Variants in ZNF208 observed in about 807,000 individuals in gnomAD.
The protein encoded by ZNF208 is zinc finger protein 208.
In ZNF208, 10 loss-of-function variants were observed where a neutral mutation model predicts 12.1. The ratio of observed to expected loss-of-function variants is 0.83; its 90% confidence interval spans 0.51 to 1.40. The LOEUF is 1.40. Ranked by LOEUF, ZNF208 falls within the 40% of genes most tolerant of loss-of-function variation. The pLI, the probability that ZNF208 is intolerant of heterozygous loss-of-function variation, is 0.00. For synonymous variants in ZNF208, 497 were observed against 488.4 expected (o/e 1.02, Z -0.23); for missense variants, 1,652 against 1,485.0 (o/e 1.11, Z -1.85).
At chr19:21,994,547 A>G (rs1418219562) in intron 1 of ZNF208, among the ~76,000 whole-genome samples, 1 of 152,074 alleles carries the variant, frequency 6.6e-6, no homozygotes, top group Non-Finnish European at 1.5e-5. Context: ...GGGTACTGTC[A>G]GTTCTTTTTT....
chr19:21,985,440 G>C (rs1599623423), intron 3 of ZNF208, among the ~76,000 whole-genome samples: 2 of 152,328 alleles, frequency 1.3e-5, no homozygotes, highest in Middle Eastern at 3.4e-3. Context: ...AGAGCTTTGA[G>C]ATCCAGGGAG....
rs548397854 is a variant in ZNF208 at position 21,972,558 on chromosome 19, T to C, written c.2476A>G (p.Ile826Val). 20 of 1,613,544 alleles carry C rather than the reference T, an allele frequency of 1.2e-5. 1 individual carries two copies. The Admixed American group carries it at 2.0e-4, about 16-fold the overall frequency. The change falls in exon 4 of 4, where the codon ATT (isoleucine) becomes GTT (valine). Residue 826 changes from isoleucine to valine, a missense_variant. Transcript: ENST00000397126. ...KVSTLTTHKA[I>V]HAGEKPYKCK... ...TTGTAGGGCTTTTCTCCAGCATGAA[T>C]TGCCTTATGTGTAGTAAGGGTTGAG...
intron 4 of ZNF208, among the ~76,000 whole-genome samples, chr19:21,949,362 T>A (rs1969858678): frequency 6.6e-6 from 1 of 152,170 alleles, no homozygotes; most frequent in South Asian, 2.1e-4. Context: ...TCTGTCAAAC[T>A]GCAGTACAGT....
At chr19:21,997,908 A>G (rs1970869093) in intron 1 of ZNF208, 1 of 152,122 alleles carries the variant, frequency 6.6e-6, no homozygotes, top group Admixed American at 6.5e-5. Flanking sequence ...TGCATTAGAG[A>G]GAAAAAACTG....
chr19:21,974,149 A>T lies in ZNF208; in HGVS notation c.885T>A (p.Ser295Arg), dbSNP rs750193108. The change falls in exon 4 of 4, where the codon AGT (serine) becomes AGA (arginine). Residue 295 changes from serine (S) to arginine (R), a missense_variant. Ser to Arg is a moderately radical substitution (Grantham distance 110). Around this residue, in one of 3 missense-constraint regions of ZNF208, gnomAD observed 410 missense variants for 378.2 expected, o/e 1.08. Coordinates refer to ENST00000397126, the MANE Select transcript of ZNF208 (RefSeq NM_007153.3). Reference protein sequence around the residue: ...NKCEECGKAFSKVSTLTTHKA... With the variant: ...NKCEECGKAFRKVSTLTTHKA... ...TATGTGTAGTAAGAGTCGAGACCTT[A>T]CTAAAGGCTTTGCCACATTCTTCAC... 1.2e-6 allele frequency: 2 copies of T among 1,611,982 alleles called. No individual in the cohort carries two copies. The highest frequency in any genetic ancestry group is 8.5e-7 in the Non-Finnish European group (1 of 1,179,122).
chr19:21,999,940 G>C (rs1424909530), intron 1 of ZNF208, among the ~76,000 whole-genome samples: 3 of 152,264 alleles, frequency 2.0e-5, no homozygotes, highest in Middle Eastern at 3.4e-3. Flanking sequence ...CTCTGGACAA[G>C]TTCTTGAACT....
intron 1 of ZNF208, among the ~76,000 whole-genome samples, chr19:21,990,079 T>C (rs1006863835): frequency 4.6e-5 from 7 of 152,118 alleles, no homozygotes; most frequent in Admixed American, 1.3e-4. Context: ...CAGAAGCTCT[T>C]TAGTTCAATT....
chr19:21,999,792 A>G (rs984318844), intron 1 of ZNF208, among the ~76,000 whole-genome samples: 4 of 152,246 alleles, frequency 2.6e-5, no homozygotes, highest in African/African-American at 9.6e-5. Flanking sequence ...TGATTTACAT[A>G]TATTTCAAAA....
chr19:21,970,723 G>T lies in ZNF208; in HGVS notation c.*468C>A. 5 of 1,186,728 alleles carry T rather than the reference G, an allele frequency of 4.2e-6. No individual in the cohort carries two copies. The highest frequency in any genetic ancestry group is 2.6e-5 in the East Asian group (1 of 38,868). The allele number at this position is 1,186,728 out of a possible 1,614,324, so 73.5% of individuals were successfully genotyped here. ...CTCTCCAGCATGAATTTTCTTATGT[G>T]TAGGAGGGTTGGGAACTGTTTAAAA... On this transcript the variant is annotated 3_prime_UTR_variant, in exon 4 of 4. Transcript: ENST00000397126.
Position 21,973,218 on chromosome 19 carries a change from C to T in ZNF208, c.1816G>A (p.Glu606Lys), listed in dbSNP as rs564629141. 1.2e-6 allele frequency: 2 copies of T among 1,613,606 alleles called. No individual in the cohort carries two copies. The highest frequency in any genetic ancestry group is 1.7e-6 in the Non-Finnish European group (2 of 1,179,904). Reference sequence around the variant, plus strand: ...CATTCTTCACATTTGTAGGGTTTCTCACCAGTATGAATTCTCTTATGTTTA... The same window carrying T: ...CATTCTTCACATTTGTAGGGTTTCTTACCAGTATGAATTCTCTTATGTTTA... ...LIKHKRIHTG[E>K]KPYKCEECGK... Residue 606 changes from glutamate (E) to lysine (K), a missense_variant, in exon 4 of 4, where the codon GAG becomes AAG. Physicochemically the swap from Glu to Lys is moderately conservative, Grantham distance 56. Transcript: ENST00000397126.
intron 2 of ZNF208, among the ~76,000 whole-genome samples, chr19:21,988,229 C>T (rs1320704715): frequency 1.3e-5 from 2 of 151,990 alleles, no homozygotes; most frequent in Non-Finnish European, 2.9e-5. Context: ...TATGGAAAAA[C>T]TCCTATGATT....
At chr19:21,997,410 C>T (rs1004047862) in intron 1 of ZNF208, among the ~76,000 whole-genome samples, 10 of 152,154 alleles carry the variant, frequency 6.6e-5, no homozygotes, top group African/African-American at 1.7e-4. Flanking sequence ...GGCTTTGACT[C>T]TTCTACAAAA....
intron 1 of ZNF208, among the ~76,000 whole-genome samples, chr19:22,009,196 A>C (rs953500777): frequency 1.3e-5 from 2 of 152,236 alleles, no homozygotes; most frequent in Non-Finnish European, 2.9e-5. Flanking sequence ...TCAAAATGTA[A>C]ACTAAAGGAC....
In ZNF208 at chr19:21,990,251, A is replaced by C. The variant is rs1046784670; in HGVS notation, c.4-1342T>G. On this transcript the variant is annotated intron_variant, in intron 1 of 3. Coordinates refer to ENST00000397126, the MANE Select transcript of ZNF208 (RefSeq NM_007153.3). ...TTAAGTCTTTAATCCATCTTGAATT[A>C]ATTTTTGTATAAGATGTGAGGAAGG... 2.1e-4 allele frequency among the ~76,000 whole-genome samples: 32 copies of C among 152,116 alleles called. 1 individual carries two copies. The highest frequency in any genetic ancestry group is 7.7e-4 in the African/African-American group (32 of 41,410).
At chr19:21,989,007 A>AGAGTAAAGAGAGCTGGTT in intron 1 of ZNF208, 98 bp from the exon 2 acceptor site, 1 of 1,466,104 alleles carries the variant, frequency 6.8e-7, no homozygotes, top group South Asian at 1.3e-5. Flanking sequence ...GCTGGTTCTG[A>AGAGTAAAGAGAGCTGGTT]CTTATAAGCA....
At chr19:22,002,837 A>G (rs1005125969) in intron 1 of ZNF208, among the ~76,000 whole-genome samples, 1 of 152,254 alleles carries the variant, frequency 6.6e-6, no homozygotes, top group South Asian at 2.1e-4. Context: ...CAGAACTAAA[A>G]GAACAAACTA....
chr19:21,955,743 AG>A (rs746338550), intron 4 of ZNF208, among the ~76,000 whole-genome samples: 48 of 152,212 alleles, frequency 3.2e-4, no homozygotes, highest in East Asian at 1.4e-3. Context: ...TCTTTTTTCA[AG>A]GTTTTCAGCT....
At chr19:21,984,321 A>G (rs1053632188) in intron 3 of ZNF208, among the ~76,000 whole-genome samples, 8 of 152,160 alleles carry the variant, frequency 5.3e-5, no homozygotes, top group Non-Finnish European at 1.0e-4. Context: ...TTGGAAGGCC[A>G]AGGCTGGTGA....
chr19:21,988,801 T>C lies in ZNF208; in HGVS notation c.112A>G (p.Arg38Gly). 6.2e-7 allele frequency: 1 copy of C among 1,614,198 alleles called. No homozygotes were observed. Among genetic ancestry groups the C allele is most frequent in the Non-Finnish European group, 8.5e-7 (1 of 1,179,994 alleles). Residue 38 changes from arginine (R) to glycine (G), a missense_variant, in exon 2 of 4, where the codon AGA becomes GGA. Transcript: ENST00000397126. ...LYRNVMLENYRNLVFLGIAAF... is the reference protein window; with the variant it reads ...LYRNVMLENYGNLVFLGIAAF... ...TTCTCACCCAGGAAGACCAGGTTTC[T>C]GTAGTTCTCTAACATCACATTTCTA...
Sources: gnomAD v4.1 joint callset for allele counts (sites outside exome capture counted in the v4.1 genomes callset) on GRCh38, gnomAD v4.1.1 for gene constraint, gnomAD v4.1.1 regional missense constraint, MANE v1.5 for transcripts, NCBI Gene and HGNC (gene_info 2026-07-23, HGNC 2026-07-21) for gene names.